The following ITPKB variants were observed in gnomAD, a reference collection of about 807,000 sequenced individuals.
ITPKB encodes IP3 3-kinase B.
A neutral mutation model predicts 69.4 loss-of-function variants in ITPKB; 13 were observed. That is an observed-to-expected ratio of 0.19 (90% CI 0.12 to 0.30). The LOEUF (loss-of-function observed/expected upper bound fraction) is 0.30, where lower values mean the gene tolerates loss of function less well. ITPKB is among the 10% of genes least tolerant of loss of function. The pLI is 1.00. For synonymous variants in ITPKB, 584 were observed against 513.7 expected (o/e 1.14, Z -1.85); for missense variants, 1,240 against 1,250.5 (o/e 0.99, Z 0.13).
intron 2 of ITPKB, among the ~76,000 whole-genome samples, chr1:226,651,574 C>T (rs961277251): frequency 1.3e-5 from 2 of 152,092 alleles, no homozygotes; most frequent in Non-Finnish European, 2.9e-5. Context: ...ATAAAGACCT[C>T]GGAGCCTGGG....
At chr1:226,682,164 TC>T (rs201085764) in intron 2 of ITPKB, among the ~76,000 whole-genome samples, 8 of 150,698 alleles carry the variant, frequency 5.3e-5, no homozygotes, top group East Asian at 1.9e-4. Context: ...GTTGCCTGGG[TC>T]CCCCCCCGCC....
intron 2 of ITPKB, among the ~76,000 whole-genome samples, chr1:226,699,232 T>C (rs1006997908): frequency 6.6e-6 from 1 of 152,210 alleles, no homozygotes; most frequent in African/African-American, 2.4e-5. Flanking sequence ...AGCAATGCTA[T>C]AGAGAAAGGA....
At chr1:226,688,672 G>A (rs1306907823) in intron 2 of ITPKB, among the ~76,000 whole-genome samples, 1 of 152,196 alleles carries the variant, frequency 6.6e-6, no homozygotes, top group African/African-American at 2.4e-5. Context: ...CGGGTCCCAG[G>A]CAGAGCTTTT....
chr1:226,635,061 C>A (rs944578605), intron 7 of ITPKB, among the ~76,000 whole-genome samples, 175 bp from the exon 8 acceptor site: 2 of 152,202 alleles, frequency 1.3e-5, no homozygotes, highest in Non-Finnish European at 2.9e-5. Flanking sequence ...AATGGCCATG[C>A]CTGGGCAGAG....
At chr1:226,726,858 C>T (rs1657435960) in intron 2 of ITPKB, among the ~76,000 whole-genome samples, 1 of 152,116 alleles carries the variant, frequency 6.6e-6, no homozygotes, top group Non-Finnish European at 1.5e-5. Context: ...CATAGCAAAA[C>T]CAATTTTCCT....
At chr1:226,671,000 T>A (rs1271943178) in intron 2 of ITPKB, among the ~76,000 whole-genome samples, 1 of 152,194 alleles carries the variant, frequency 6.6e-6, no homozygotes, top group Non-Finnish European at 1.5e-5. Flanking sequence ...TGCTACCATA[T>A]CTTACACCTT....
At chr1:226,684,179 A>G (rs969447813) in intron 2 of ITPKB, among the ~76,000 whole-genome samples, 15 of 152,168 alleles carry the variant, frequency 9.9e-5, no homozygotes, top group African/African-American at 3.4e-4. Context: ...TAGGAACAAA[A>G]CGAAGGGGAA....
chr1:226,652,475 C>T (rs965464353), intron 2 of ITPKB, among the ~76,000 whole-genome samples: 36 of 152,200 alleles, frequency 2.4e-4, no homozygotes, highest in African/African-American at 8.2e-4. Flanking sequence ...CAGAAGAATC[C>T]CACCCAGAGG....
chr1:226,715,443 T>C (rs914301060), intron 2 of ITPKB, among the ~76,000 whole-genome samples: 1 of 152,222 alleles, frequency 6.6e-6, no homozygotes, highest in Non-Finnish European at 1.5e-5. Flanking sequence ...GTATAGTAAC[T>C]CTGACCCAGA....
chr1:226,727,274 G>A (rs1193795976), intron 2 of ITPKB, among the ~76,000 whole-genome samples: 1 of 152,226 alleles, frequency 6.6e-6, no homozygotes, highest in Non-Finnish European at 1.5e-5. Context: ...AGATCCTGCT[G>A]AATTACACAG....
intron 2 of ITPKB, among the ~76,000 whole-genome samples, chr1:226,678,827 T>C (rs1655990467): frequency 6.6e-6 from 1 of 152,250 alleles, no homozygotes; most frequent in Non-Finnish European, 1.5e-5. Context: ...GGAGGTTTCC[T>C]GTGTGAAGAG....
intron 2 of ITPKB, among the ~76,000 whole-genome samples, chr1:226,667,045 CTCT>C (rs1669516419): frequency 6.6e-6 from 1 of 152,188 alleles, no homozygotes; most frequent in Non-Finnish European, 1.5e-5. Flanking sequence ...ACCGAGAGAA[CTCT>C]TCTTCATTCT....
At position 226,661,497 on chromosome 1, in the gene ITPKB, T is replaced by G. The variant is rs555893930; in HGVS notation, c.1933-12726A>C. On this transcript the variant is annotated intron_variant, in intron 2 of 7. Coordinates refer to ENST00000429204, the MANE Select transcript of ITPKB (RefSeq NM_002221.4). ...GGATCCAAGCTCTTCATCACTCTGCTGGGCTGCCTCATTTCCTGTCATGTG... is the reference window on the plus strand; with the variant it reads ...GGATCCAAGCTCTTCATCACTCTGCGGGGCTGCCTCATTTCCTGTCATGTG... 2.0e-5 allele frequency among the ~76,000 whole-genome samples: 3 copies of G among 152,336 alleles called. No individual in the cohort carries two copies. In the South Asian group the frequency reaches 6.2e-4, roughly 32 times the overall value.
chr1:226,688,553 G>C (rs148658237), intron 2 of ITPKB, among the ~76,000 whole-genome samples: 1 of 152,186 alleles, frequency 6.6e-6, no homozygotes, highest in Admixed American at 6.5e-5. Flanking sequence ...CCAGCTGCTC[G>C]GGGCCACTGC....
chr1:226,707,326 G>T (rs993930762), intron 2 of ITPKB: 16 of 197,772 alleles, frequency 8.1e-5, no homozygotes, highest in Non-Finnish European at 1.4e-4. Context: ...CTCCCAAGTA[G>T]CTGGGATTAC....
chr1:226,714,562 C>T (rs1460801041), intron 2 of ITPKB, among the ~76,000 whole-genome samples: 1 of 152,228 alleles, frequency 6.6e-6, no homozygotes, highest in Non-Finnish European at 1.5e-5. Context: ...TACCTGTCAT[C>T]CTCAAGGTTG....
At chr1:226,648,630 G>C (rs749300568) in intron 3 of ITPKB, 42 bp downstream of exon 3, 22 of 1,255,718 alleles carry the variant, frequency 1.8e-5, no homozygotes, top group Non-Finnish European at 2.1e-5. Flanking sequence ...TCCCCAGAGG[G>C]CTGAGCACCA....
intron 2 of ITPKB, among the ~76,000 whole-genome samples, chr1:226,697,137 C>T (rs534096429): frequency 6.6e-6 from 1 of 152,338 alleles, no homozygotes; most frequent in South Asian, 2.1e-4. Context: ...CAAGCGTCAA[C>T]TAAATGTTGG....
At chr1:226,659,936 C>T (rs900577392) in intron 2 of ITPKB, among the ~76,000 whole-genome samples, 13 of 152,180 alleles carry the variant, frequency 8.5e-5, no homozygotes, top group African/African-American at 2.9e-4. Context: ...ATGCTAAGGG[C>T]CCAGGCCTGG....
Sources: gnomAD v4.1 joint callset for allele counts (sites outside exome capture counted in the v4.1 genomes callset) on GRCh38, gnomAD v4.1.1 for gene constraint, MANE v1.5 for transcripts, NCBI Gene and HGNC (gene_info 2026-07-23, HGNC 2026-07-21) for gene names.